QKI: variants seen among roughly 807,000 people sequenced by gnomAD.
QKI encodes QKI, KH domain containing RNA binding, also known as KH domain-containing RNA-binding protein QKI.
QKI carries 10 observed loss-of-function variants against 39.0 expected under a neutral mutation model. The ratio of observed to expected loss-of-function variants is 0.26; its 90% CI spans 0.16 to 0.43. The LOEUF (loss-of-function observed/expected upper bound fraction) is 0.43, where lower values mean the gene tolerates loss of function less well. Among genes scored for constraint, QKI ranks in the 20% least tolerant of loss-of-function variants. The probability of loss-of-function intolerance (pLI) is 1.00; values close to 1 mark genes in which losing one functional copy is unlikely to be tolerated. For missense variants in QKI, 218 were observed against 428.0 expected (o/e 0.51, Z 4.33); for synonymous variants, 204 against 155.4 (o/e 1.31, Z -2.33).
At chr6:163,518,455 CTTAGTTTTT>C (rs1779963289) in intron 3 of QKI, among the ~76,000 whole-genome samples, 1 of 151,996 alleles carries the variant, frequency 6.6e-6, no homozygotes, top group Admixed American at 6.6e-5. Flanking sequence ...GGTCCATGTT[CTTAGTTTTT>C]TCCAGTAATG....
chr6:163,564,304 C>T, intron 6 of QKI: 1 of 1,006,276 alleles, frequency 9.9e-7, no homozygotes, highest in South Asian at 3.4e-5. Flanking sequence ...ATAGAGTGTA[C>T]TTACACAGAC....
chr6:163,564,013 G>C (rs1783196542), intron 6 of QKI: 1 of 1,208,620 alleles, frequency 8.3e-7, no homozygotes. Flanking sequence ...GTCATTCTGA[G>C]TTTTAGGTCC....
chr6:163,493,103 A>G (rs1207025771), intron 3 of QKI, among the ~76,000 whole-genome samples: 2 of 150,020 alleles, frequency 1.3e-5, no homozygotes, highest in South Asian at 2.1e-4. Flanking sequence ...TTGTTTAAGT[A>G]TATTACGTAC....
chr6:163,487,817 A>G (rs1777774152), intron 3 of QKI, among the ~76,000 whole-genome samples: 1 of 152,070 alleles, frequency 6.6e-6, no homozygotes, highest in African/African-American at 2.4e-5. Flanking sequence ...TTTTGATGGT[A>G]GTACATAAAG....
chr6:163,450,348 A>G (rs1583010308), intron 1 of QKI, among the ~76,000 whole-genome samples: 1 of 152,274 alleles, frequency 6.6e-6, no homozygotes, highest in South Asian at 2.1e-4. Context: ...GTGATCCACC[A>G]CAACCGGCCC....
intron 3 of QKI, among the ~76,000 whole-genome samples, chr6:163,507,813 G>A (rs1051297485): frequency 6.6e-6 from 1 of 152,102 alleles, no homozygotes; most frequent in African/African-American, 2.4e-5. Context: ...TTAAAATTAA[G>A]CTCTGAAAGT....
chr6:163,424,019 C>T (rs565118835), intron 1 of QKI, among the ~76,000 whole-genome samples: 1 of 152,318 alleles, frequency 6.6e-6, no homozygotes, highest in East Asian at 1.9e-4. Flanking sequence ...GGAAACGGTG[C>T]TGCACCAGAT....
intron 6 of QKI, chr6:163,564,869 C>A: frequency 1.4e-6 from 2 of 1,383,238 alleles, no homozygotes; most frequent in Middle Eastern, 1.9e-4. Context: ...ATGCTGTTGA[C>A]TTTTAGGACT....
chr6:163,535,383 A>G (rs1280467033), intron 4 of QKI, among the ~76,000 whole-genome samples: 2 of 152,034 alleles, frequency 1.3e-5, no homozygotes, highest in African/African-American at 4.8e-5. Flanking sequence ...TTGTGTTATC[A>G]GTTCTCCTTC....
chr6:163,415,214 G>T lies in QKI; in HGVS notation c.21G>T (p.Thr7=). 2 of 1,588,334 alleles carry T rather than the reference G, an allele frequency of 1.3e-6. No individual in the cohort carries two copies. Among genetic ancestry groups the T allele is most frequent in the African/African-American group, 2.7e-5 (2 of 73,860 alleles). ...GGAATATGGTCGGGGAAATGGAAAC[G>T]AAGGAGAAGCCGAAGCCCACCCCAG... The part of the protein sequence containing the change: MVGEME[T]KEKPKPTPDY... Residue 7 remains threonine (T), a synonymous_variant, in exon 1 of 8, where the codon ACG becomes ACT. Transcript: ENST00000361752.
chr6:163,481,691 T>C (rs570293232), intron 3 of QKI, among the ~76,000 whole-genome samples: 1 of 152,248 alleles, frequency 6.6e-6, no homozygotes, highest in African/African-American at 2.4e-5. Context: ...ATTGTTATTA[T>C]TTCAGCATTA....
intron 3 of QKI, among the ~76,000 whole-genome samples, chr6:163,493,726 G>T (rs1778214803): frequency 6.6e-6 from 1 of 152,158 alleles, no homozygotes; most frequent in Non-Finnish European, 1.5e-5. Context: ...TGTAGAATTG[G>T]TTGGTTGAAA....
At chr6:163,545,272 A>G (rs1056653660) in intron 4 of QKI, among the ~76,000 whole-genome samples, 1 of 152,132 alleles carries the variant, frequency 6.6e-6, no homozygotes, top group Non-Finnish European at 1.5e-5. Context: ...CATAATTTTT[A>G]TATTCTATCT....
At chr6:163,558,155 G>T (rs1177900824) in intron 4 of QKI, among the ~76,000 whole-genome samples, 1 of 152,164 alleles carries the variant, frequency 6.6e-6, no homozygotes, top group African/African-American at 2.4e-5. Flanking sequence ...GAGAAAAAAA[G>T]AGGTCAGAAA....
At chr6:163,551,353 A>C (rs1320227999) in intron 4 of QKI, among the ~76,000 whole-genome samples, 1 of 152,208 alleles carries the variant, frequency 6.6e-6, no homozygotes, top group Non-Finnish European at 1.5e-5. Context: ...CCAGTTCCAC[A>C]AGATGTCTCC....
At chr6:163,536,723 A>G (rs1052470528) in intron 4 of QKI, among the ~76,000 whole-genome samples, 1 of 152,236 alleles carries the variant, frequency 6.6e-6, no homozygotes, top group Non-Finnish European at 1.5e-5. Flanking sequence ...TCTTGTCATA[A>G]GGTAAAATCA....
chr6:163,463,774 A>G (rs1791517316), intron 2 of QKI, among the ~76,000 whole-genome samples: 1 of 152,220 alleles, frequency 6.6e-6, no homozygotes, highest in African/African-American at 2.4e-5. Context: ...ACAAGAGCAG[A>G]AGACAGTATT....
At chr6:163,431,169 A>G (rs1032777272) in intron 1 of QKI, among the ~76,000 whole-genome samples, 1 of 152,082 alleles carries the variant, frequency 6.6e-6, no homozygotes, top group African/African-American at 2.4e-5. Context: ...AAGTCAAATC[A>G]AAGTACCCCT....
chr6:163,484,047 G>A (rs1404330854), intron 3 of QKI, among the ~76,000 whole-genome samples: 1 of 152,200 alleles, frequency 6.6e-6, no homozygotes, highest in African/African-American at 2.4e-5. Context: ...GGGTTACCAG[G>A]TGGATTGACA....
Sources: allele counts gnomAD v4.1 joint callset (sites outside exome capture counted in the v4.1 genomes callset), GRCh38; gene constraint gnomAD v4.1.1; transcripts MANE v1.5; gene names NCBI Gene and HGNC (gene_info 2026-07-23, HGNC 2026-07-21).